Variants in WWC1 observed in about 807,000 individuals in gnomAD.
WWC1 encodes the protein WW and C2 domain containing 1, also known as protein KIBRA.
In WWC1, 55 loss-of-function variants were observed where a neutral mutation model predicts 138.4. The observed-to-expected ratio is 0.40, with a 90% CI of 0.32 to 0.50. The LOEUF is 0.50. Ranked by LOEUF, WWC1 falls within the 20% of genes least tolerant of loss-of-function variation. The pLI is 0.72. For missense variants in WWC1, 1,226 were observed against 1,420.4 expected (o/e 0.86, Z 2.20); for synonymous variants, 524 against 564.9 (o/e 0.93, Z 1.03).
At chr5:168,377,592 CAAAT>C (rs149421235) in intron 2 of WWC1, among the ~76,000 whole-genome samples, 13,450 of 152,054 alleles carry the variant, frequency 0.088, 828 homozygotes, top group African/African-American at 0.18. Flanking sequence ...AAGCAAAAAA[CAAAT>C]AACCCCATTA....
At chr5:168,428,189 C>A (rs377423497) in intron 12 of WWC1, 48 bp downstream of exon 12, 10 of 1,566,650 alleles carry the variant, frequency 6.4e-6, no homozygotes, top group Non-Finnish European at 8.7e-6. Flanking sequence ...AAGCCATGAA[C>A]TCTGAATATC....
At chr5:168,440,369 A>G (rs1028175362) in intron 15 of WWC1, among the ~76,000 whole-genome samples, 8 of 152,160 alleles carry the variant, frequency 5.3e-5, no homozygotes, top group African/African-American at 1.9e-4. Flanking sequence ...GATTATAAGC[A>G]CTCCCTTAGC....
At chr5:168,379,833 C>T (rs554267155) in intron 2 of WWC1, among the ~76,000 whole-genome samples, 1 of 152,312 alleles carries the variant, frequency 6.6e-6, no homozygotes, top group East Asian at 1.9e-4. Flanking sequence ...ACCTTTGCCT[C>T]ACACCATGTG....
chr5:168,427,264 G>A (rs1343606983), intron 11 of WWC1, among the ~76,000 whole-genome samples: 1 of 152,202 alleles, frequency 6.6e-6, no homozygotes, highest in Non-Finnish European at 1.5e-5. Flanking sequence ...GTTGTAATGA[G>A]TTTTGCAGAG....
In WWC1 at chr5:168,469,279, G is replaced by C; in HGVS notation, c.*262G>C. On this transcript the variant is annotated 3_prime_UTR_variant, in exon 23 of 23. Transcript: ENST00000265293. ...TAAGATTGTATAGTTTGTATATTTA[G>C]GAGTGTATTTTTGGGAAAGAAAATT... The C allele has an allele frequency of 2.2e-6, 1 of 452,370 alleles. No homozygotes were observed. The allele number at this position is 452,370 out of a possible 1,614,324, so 28.0% of individuals were successfully genotyped here. A position where few individuals can be genotyped will look rare whatever the true frequency, so the allele number is the denominator to read the frequency against.
intron 9 of WWC1, among the ~76,000 whole-genome samples, chr5:168,417,835 G>A (rs1780774048): frequency 6.6e-6 from 1 of 152,208 alleles, no homozygotes; most frequent in Admixed American, 6.5e-5. Flanking sequence ...GGAGTCTAAG[G>A]AGGAAGCCCA....
intron 1 of WWC1, among the ~76,000 whole-genome samples, chr5:168,303,968 C>T (rs1770319315): frequency 6.6e-6 from 1 of 152,250 alleles, no homozygotes; most frequent in African/African-American, 2.4e-5. Flanking sequence ...TTCAGCTTTA[C>T]ATACCTTTGT....
chr5:168,347,449 C>G (rs1320011911), intron 1 of WWC1, among the ~76,000 whole-genome samples: 1 of 152,206 alleles, frequency 6.6e-6, no homozygotes, highest in African/African-American at 2.4e-5. Context: ...GACTGCTTCT[C>G]TAGGATTTCT....
intron 6 of WWC1, 87 bp from the exon 7 acceptor site, chr5:168,408,420 G>T: frequency 6.7e-7 from 1 of 1,485,042 alleles, no homozygotes; most frequent in Non-Finnish European, 9.2e-7. Flanking sequence ...ATTAAGGGAG[G>T]GTAGAGAGGG....
At chr5:168,407,578 A>G (rs17551581) in intron 6 of WWC1, among the ~76,000 whole-genome samples, 19,198 of 152,256 alleles carry the variant, frequency 0.13, 1,286 homozygotes, top group Non-Finnish European at 0.14. Context: ...ATTTAGATGA[A>G]GAGCTCATGG....
At chr5:168,348,551 T>C (rs1010898726) in intron 1 of WWC1, among the ~76,000 whole-genome samples, 2 of 152,148 alleles carry the variant, frequency 1.3e-5, no homozygotes, top group African/African-American at 2.4e-5. Flanking sequence ...TATCCCACCT[T>C]GACCTCAGGT....
chr5:168,449,844 G>A (rs964191980), intron 17 of WWC1, among the ~76,000 whole-genome samples: 1 of 152,112 alleles, frequency 6.6e-6, no homozygotes, highest in East Asian at 1.9e-4. Context: ...CAAAGTGCTG[G>A]GATTACAGGC....
chr5:168,311,984 G>A (rs1433258852), intron 1 of WWC1, among the ~76,000 whole-genome samples: 1 of 152,116 alleles, frequency 6.6e-6, no homozygotes, highest in East Asian at 1.9e-4. Flanking sequence ...GGGAGGCAGA[G>A]GTTGCAGTGA....
At chr5:168,314,997 T>G (rs1771451599) in intron 1 of WWC1, among the ~76,000 whole-genome samples, 2 of 152,108 alleles carry the variant, frequency 1.3e-5, no homozygotes. Context: ...CAGAAGACAC[T>G]CAGTCCGTTG....
chr5:168,460,579 C>A, intron 19 of WWC1, 71 bp from the exon 20 acceptor site: 1 of 1,506,674 alleles, frequency 6.6e-7, no homozygotes, highest in Non-Finnish European at 9.2e-7. Context: ...CCTGACCTCC[C>A]TCTAGGCTTC....
chr5:168,337,963 G>T (rs114648214), intron 1 of WWC1, among the ~76,000 whole-genome samples: 2 of 152,152 alleles, frequency 1.3e-5, no homozygotes, highest in African/African-American at 4.8e-5. Flanking sequence ...TGGAGAAGAC[G>T]CCAGGACCTG....
intron 1 of WWC1, among the ~76,000 whole-genome samples, chr5:168,335,510 G>T (rs75864305): frequency 1.5e-4 from 23 of 152,334 alleles, no homozygotes; most frequent in African/African-American, 5.5e-4. Context: ...TAAGCACTTT[G>T]TGTATCTCAT....
At chr5:168,402,819 T>C (rs530395690) in intron 5 of WWC1, among the ~76,000 whole-genome samples, 3 of 152,194 alleles carry the variant, frequency 2.0e-5, no homozygotes, top group African/African-American at 7.2e-5. Context: ...TCCCAGAAAA[T>C]GTAAGGCCCC....
At chr5:168,426,699 C>T (rs1205903037) in intron 11 of WWC1, among the ~76,000 whole-genome samples, 1 of 152,246 alleles carries the variant, frequency 6.6e-6, no homozygotes, top group African/African-American at 2.4e-5. Flanking sequence ...CCATCACCAG[C>T]ACTTGCAGTC....
Sources: gnomAD v4.1 joint callset for allele counts (sites outside exome capture counted in the v4.1 genomes callset) on GRCh38, gnomAD v4.1.1 for gene constraint, MANE v1.5 for transcripts, NCBI Gene and HGNC (gene_info 2026-07-23, HGNC 2026-07-21) for gene names.